FBRSL1: variants seen among roughly 807,000 people sequenced by gnomAD.
The protein encoded by FBRSL1 is fibrosin like 1, also known as fibrosin-1-like protein.
A neutral mutation model predicts 89.6 loss-of-function variants in FBRSL1; 51 were observed. That is an observed-to-expected ratio of 0.57 (90% CI 0.45 to 0.72). FBRSL1 has a LOEUF of 0.72. Ranked by LOEUF, FBRSL1 falls within the 30% of genes least tolerant of loss-of-function variation. The pLI is 0.00. For missense variants in FBRSL1, 1,618 were observed against 1,451.8 expected, an observed-to-expected ratio of 1.11 and a Z score of -1.86; for synonymous variants, 779 against 681.1, an observed-to-expected ratio of 1.14 and a Z score of -2.24.
rs753583662 is a variant in FBRSL1, at chr12:132,576,808, C to T, written c.1711C>T (p.Leu571=). ...RHQQKIKEMQ[L]DPHKLEVGAK... The stretch of plus-strand genomic sequence containing the variant: ...CGTTCTATCCTCCCAGGAGATGCAG[C>T]TGGACCCCCACAAGCTGGAGGTGGG... Residue 571 remains leucine (L), a synonymous_variant, in exon 15 of 19, where the codon CTG becomes TTG. Coordinates refer to ENST00000680143, the MANE Select transcript of FBRSL1 (RefSeq NM_001367871.1). 1.4e-5 allele frequency: 22 copies of T among 1,550,720 alleles called. No homozygotes were observed. The highest frequency in any genetic ancestry group is 1.9e-5 in the Non-Finnish European group (22 of 1,146,826).
intron 2 of FBRSL1, chr12:132,511,542 C>G: frequency 1.0e-6 from 1 of 985,832 alleles, no homozygotes; most frequent in African/African-American, 1.7e-5. Context: ...TTGACTGTCT[C>G]CAGACCTCAG....
At chr12:132,561,689 A>C (rs1220280181) in intron 5 of FBRSL1, among the ~76,000 whole-genome samples, 1 of 152,132 alleles carries the variant, frequency 6.6e-6, no homozygotes, top group Non-Finnish European at 1.5e-5. Context: ...CACCTGGCGA[A>C]GAGGCCACTC....
intron 2 of FBRSL1, among the ~76,000 whole-genome samples, chr12:132,518,948 C>T (rs2035105516): frequency 6.6e-6 from 1 of 151,464 alleles, no homozygotes; most frequent in African/African-American, 2.4e-5. Context: ...CATCTATCCA[C>T]CCATGCACCC....
chr12:132,564,921 C>G lies in FBRSL1; in HGVS notation c.646-2560C>G, dbSNP rs915102444. 8.4e-5 allele frequency: 12 copies of G among 142,590 alleles called. 1 individual carries two copies. The highest frequency in any genetic ancestry group is 8.0e-4 in the Admixed American group (12 of 14,978). The allele number at this position is 142,590 out of a possible 1,614,324, so 8.8% of individuals were successfully genotyped here. A position where few individuals can be genotyped will look rare whatever the true frequency, so the allele number is the denominator to read the frequency against. On this transcript the variant is annotated intron_variant, in intron 5 of 18. Transcript: ENST00000680143. ...TGGGATTTCAGGCGTGAGCCGCGGC[C>G]GGCCGCCCTCCTAGGTTTTAGTAGG...
chr12:132,566,280 C>T (rs912280283), intron 5 of FBRSL1: 5 of 151,954 alleles, frequency 3.3e-5, no homozygotes, highest in Non-Finnish European at 5.9e-5. Context: ...TGAGGCTCCA[C>T]ACTCAAGACC....
At chr12:132,507,334 C>A (rs368711946) in intron 1 of FBRSL1, 33 of 985,360 alleles carry the variant, frequency 3.3e-5, no homozygotes, top group Non-Finnish European at 4.0e-5. Flanking sequence ...AAACTTGACG[C>A]GCCGTATCTG....
intron 5 of FBRSL1, among the ~76,000 whole-genome samples, chr12:132,557,536 A>G (rs111977130): frequency 6.8e-4 from 104 of 152,332 alleles, no homozygotes; most frequent in African/African-American, 2.5e-3. Flanking sequence ...GACCCAGGCC[A>G]GGATCTCTGC....
chr12:132,535,366 GGA>G (rs2036621810), intron 4 of FBRSL1, among the ~76,000 whole-genome samples: 1 of 151,402 alleles, frequency 6.6e-6, no homozygotes, highest in South Asian at 2.1e-4. Flanking sequence ...ATGAGAAAAA[GGA>G]GAGTGGATTT....
At chr12:132,526,592 C>T (rs998015653) in intron 3 of FBRSL1, among the ~76,000 whole-genome samples, 4 of 152,170 alleles carry the variant, frequency 2.6e-5, no homozygotes, top group African/African-American at 7.2e-5. Flanking sequence ...GACCTGTCCC[C>T]GGCAAGGGTC....
chr12:132,577,953 G>A (rs539813595), intron 15 of FBRSL1, among the ~76,000 whole-genome samples: 12 of 152,246 alleles, frequency 7.9e-5, no homozygotes, highest in African/African-American at 2.9e-4. Context: ...GTACGCACAC[G>A]TGAAGCATGA....
chr12:132,533,123 A>G (rs1332884381), intron 4 of FBRSL1, among the ~76,000 whole-genome samples: 14 of 148,348 alleles, frequency 9.4e-5, no homozygotes, highest in African/African-American at 3.5e-4. Flanking sequence ...AGAGAGCTGC[A>G]GTCTCCTCCC....
In FBRSL1 at chr12:132,570,013, G is replaced by C. The variant is rs1312029333; in HGVS notation, c.779G>C (p.Ser260Thr). 2 of 1,512,568 alleles carry C rather than the reference G, an allele frequency of 1.3e-6. No individual in the cohort carries two copies. Among genetic ancestry groups the C allele is most frequent in the East Asian group, 2.6e-5 (1 of 39,018 alleles). The allele number at this position is 1,512,568 out of a possible 1,614,324, so 93.7% of individuals were successfully genotyped here. Residue 260 changes from serine to threonine, a missense_variant, in exon 7 of 19, where the codon AGC becomes ACC. Physicochemically the swap from Ser to Thr is moderately conservative, Grantham distance 58 (BLOSUM62 1). Coordinates refer to ENST00000680143, the MANE Select transcript of FBRSL1 (RefSeq NM_001367871.1). ...CGCAGCCGCGAGCTCAGCGCCGAGA[G>C]CTTCCTGCCCACTGCCAGCCCCGCG... ...LERSRELSAESFLPTASPAPH... is the reference protein window; with the variant it reads ...LERSRELSAETFLPTASPAPH...
intron 1 of FBRSL1, among the ~76,000 whole-genome samples, chr12:132,501,077 ACCCTGATGTGGACCGGGC>A (rs1302110536): frequency 6.6e-6 from 1 of 152,224 alleles, no homozygotes; most frequent in Admixed American, 6.5e-5. Context: ...CAGGGAGGGG[ACCCTGATGTGGACCGGGC>A]CCCTGACGTG....
At chr12:132,530,411 C>T (rs936883837) in intron 4 of FBRSL1, among the ~76,000 whole-genome samples, 21 of 152,100 alleles carry the variant, frequency 1.4e-4, no homozygotes, top group African/African-American at 4.3e-4. Context: ...CTCCTGTCGG[C>T]TCACTGTGGG....
chr12:132,562,616 C>T (rs1357204012), intron 5 of FBRSL1, among the ~76,000 whole-genome samples: 1 of 54,854 alleles, frequency 1.8e-5, no homozygotes, highest in Non-Finnish European at 3.3e-5. Flanking sequence ...GCGTCAGTGC[C>T]AGGAGCTCAG....
At chr12:132,565,383 CAT>C (rs769084919) in intron 5 of FBRSL1, 8 of 152,248 alleles carry the variant, frequency 5.3e-5, no homozygotes, top group Non-Finnish European at 1.0e-4. Flanking sequence ...CGTAAACACA[CAT>C]GTGATGCTCA....
At chr12:132,511,524 G>C (rs1260489423) in intron 2 of FBRSL1, 12 of 986,016 alleles carry the variant, frequency 1.2e-5, no homozygotes, top group South Asian at 4.7e-5. Flanking sequence ...GGGGTGTTTG[G>C]GGGGGCTTTG....
chr12:132,496,034 C>T (rs2031965135), intron 1 of FBRSL1, among the ~76,000 whole-genome samples: 1 of 152,246 alleles, frequency 6.6e-6, no homozygotes, highest in Non-Finnish European at 1.5e-5. Context: ...CCTGTCAGTT[C>T]TTGGCTCAGG....
chr12:132,505,916 C>G (rs1044611678), intron 1 of FBRSL1, among the ~76,000 whole-genome samples: 1 of 152,246 alleles, frequency 6.6e-6, no homozygotes, highest in Non-Finnish European at 1.5e-5. Flanking sequence ...TGGGACAGCC[C>G]TCCCAGAGCT....
Sources: allele counts gnomAD v4.1 joint callset (sites outside exome capture counted in the v4.1 genomes callset), GRCh38; gene constraint gnomAD v4.1.1; transcripts MANE v1.5; gene names NCBI Gene and HGNC (gene_info 2026-07-23, HGNC 2026-07-21).